NRXN3: variants seen among roughly 807,000 people sequenced by gnomAD.
The protein encoded by NRXN3 is neurexin 3, also known as neurexin III.
In NRXN3, 32 loss-of-function variants were observed where a neutral mutation model predicts 137.6. The ratio of observed to expected loss-of-function variants is 0.23; its 90% CI spans 0.18 to 0.31. NRXN3 has a LOEUF of 0.31. NRXN3 is among the 10% of genes least tolerant of loss of function. The pLI is 1.00. For synonymous variants in NRXN3, 798 were observed against 784.5 expected (o/e 1.02, Z -0.29); for missense variants, 1,574 against 2,062.5 (o/e 0.76, Z 4.59).
At chr14:78,179,723 A>G (rs1391716284) in intron 1 of NRXN3, among the ~76,000 whole-genome samples, 1 of 151,062 alleles carries the variant, frequency 6.6e-6, no homozygotes, top group East Asian at 1.9e-4. Flanking sequence ...GGGAGGAACA[A>G]TTATTCTCCA....
chr14:78,394,907 G>C (rs911854679), intron 4 of NRXN3, among the ~76,000 whole-genome samples: 3 of 151,740 alleles, frequency 2.0e-5, no homozygotes, highest in Non-Finnish European at 4.4e-5. Context: ...TTCGGGGGCT[G>C]TAGTGATATC....
At chr14:78,875,217 G>A (rs541400291) in intron 10 of NRXN3, among the ~76,000 whole-genome samples, 2 of 152,196 alleles carry the variant, frequency 1.3e-5, no homozygotes, top group African/African-American at 4.8e-5. Flanking sequence ...AAAACAACTA[G>A]GTCTGAGCAA....
chr14:78,696,693 A>T (rs545262723), intron 6 of NRXN3, among the ~76,000 whole-genome samples: 1 of 152,170 alleles, frequency 6.6e-6, no homozygotes, highest in East Asian at 1.9e-4. Flanking sequence ...GTTCTGGGTA[A>T]TATCTCCTGT....
intron 4 of NRXN3, among the ~76,000 whole-genome samples, chr14:78,495,181 A>G (rs1208881055): frequency 1.3e-5 from 2 of 149,628 alleles, no homozygotes; most frequent in African/African-American, 2.5e-5. Context: ...ATGTTGGTAC[A>G]TACTTGAGAT....
intron 15 of NRXN3, chr14:79,279,305 T>G (rs1322764589): frequency 2.1e-6 from 2 of 966,548 alleles, no homozygotes; most frequent in East Asian, 2.3e-4. Context: ...GCGCTGGGGC[T>G]GCACTGATTT....
intron 16 of NRXN3, among the ~76,000 whole-genome samples, chr14:79,501,907 A>T (rs890405061): frequency 6.6e-6 from 1 of 152,112 alleles, no homozygotes; most frequent in African/African-American, 2.4e-5. Context: ...TGGGATATTG[A>T]AATTATATTA....
intron 4 of NRXN3, among the ~76,000 whole-genome samples, chr14:78,586,440 G>A (rs915136815): frequency 1.3e-5 from 2 of 152,162 alleles, no homozygotes; most frequent in East Asian, 1.9e-4. Context: ...CCATAAGGAC[G>A]GTAGTAGCAC....
At chr14:79,049,218 G>C (rs1595375266) in intron 15 of NRXN3, among the ~76,000 whole-genome samples, 1 of 151,788 alleles carries the variant, frequency 6.6e-6, no homozygotes, top group Non-Finnish European at 1.5e-5. Flanking sequence ...AGCTAATCCT[G>C]TTAAGCCCAG....
At chr14:79,611,067 C>A (rs996429022) in intron 16 of NRXN3, among the ~76,000 whole-genome samples, 2 of 152,114 alleles carry the variant, frequency 1.3e-5, no homozygotes, top group Non-Finnish European at 2.9e-5. Context: ...TGATGGAATG[C>A]GTCAACTTTT....
rs139305880 is a variant in NRXN3, at chr14:79,201,050, G to A, written c.3262+212909G>A. On this transcript the variant is annotated intron_variant, in intron 15 of 20. Coordinates refer to ENST00000335750, the MANE Select transcript of NRXN3 (RefSeq NM_001330195.2). ...TCTTCCCAGGACAATGGCACAGACT[G>A]AGTCAAATTCAGTTCCTAGGACTTG... 296 of 152,130 alleles carry A rather than the reference G, an allele frequency of 1.9e-3. 4 individuals carry two copies. Among genetic ancestry groups the A allele is most frequent in the African/African-American group, 6.9e-3 (287 of 41,506 alleles). The allele number at this position is 152,130 out of a possible 1,614,324, so 9.4% of individuals were successfully genotyped here. A position where few individuals can be genotyped will look rare whatever the true frequency, so the allele number is the denominator to read the frequency against.
intron 7 of NRXN3, among the ~76,000 whole-genome samples, chr14:78,712,252 A>G (rs2098412631): frequency 6.6e-6 from 1 of 152,224 alleles, no homozygotes; most frequent in African/African-American, 2.4e-5. Flanking sequence ...AACAGAGAAA[A>G]TAGTAAGAGA....
chr14:79,134,669 A>T (rs1287671608), intron 15 of NRXN3, among the ~76,000 whole-genome samples: 3 of 152,090 alleles, frequency 2.0e-5, no homozygotes, highest in African/African-American at 7.2e-5. Flanking sequence ...CACTTTGTCA[A>T]TTTTTTTCTT....
At chr14:79,431,669 T>C (rs2095757205) in intron 15 of NRXN3, among the ~76,000 whole-genome samples, 1 of 152,250 alleles carries the variant, frequency 6.6e-6, no homozygotes, top group African/African-American at 2.4e-5. Flanking sequence ...GTACCAGGTA[T>C]AGGAGTTTTG....
chr14:78,579,735 T>C (rs143464339), intron 4 of NRXN3, among the ~76,000 whole-genome samples: 1,764 of 152,210 alleles, frequency 0.012, 36 homozygotes, highest in African/African-American at 0.041. Context: ...GGTGGGAGCA[T>C]GAAAGTTCAC....
chr14:79,560,684 A>C (rs1314187055), intron 16 of NRXN3, among the ~76,000 whole-genome samples: 1 of 151,374 alleles, frequency 6.6e-6, no homozygotes, highest in African/African-American at 2.4e-5. Context: ...GATTACAAGC[A>C]TGTGCCACCA....
chr14:79,212,290 A>C (rs2067789031), intron 15 of NRXN3, among the ~76,000 whole-genome samples: 1 of 152,030 alleles, frequency 6.6e-6, no homozygotes, highest in African/African-American at 2.4e-5. Context: ...CTTGTCTGTG[A>C]TTTTTCTTTC....
intron 15 of NRXN3, among the ~76,000 whole-genome samples, chr14:79,459,502 T>C (rs1210623778): frequency 6.6e-6 from 1 of 151,958 alleles, no homozygotes; most frequent in Non-Finnish European, 1.5e-5. Context: ...TACAAGCCAA[T>C]AGAGAAGCTG....
intron 15 of NRXN3, among the ~76,000 whole-genome samples, chr14:79,247,585 A>G (rs1306497604): frequency 6.6e-6 from 1 of 152,156 alleles, no homozygotes; most frequent in Non-Finnish European, 1.5e-5. Flanking sequence ...CTACATTTCA[A>G]AAATAAATAT....
At chr14:78,888,008 G>A (rs2099148444) in intron 10 of NRXN3, among the ~76,000 whole-genome samples, 1 of 152,018 alleles carries the variant, frequency 6.6e-6, no homozygotes, top group Non-Finnish European at 1.5e-5. Context: ...GGTATGATCT[G>A]GCTCTGATAT....
Sources: allele counts gnomAD v4.1 joint callset (sites outside exome capture counted in the v4.1 genomes callset), GRCh38; gene constraint gnomAD v4.1.1; transcripts MANE v1.5; gene names NCBI Gene and HGNC (gene_info 2026-07-23, HGNC 2026-07-21).